The following CNKSR2 variants were observed in gnomAD, a reference collection of about 807,000 sequenced individuals.
CNKSR2 encodes CNK homolog protein 2.
A neutral mutation model predicts 84.4 loss-of-function variants in CNKSR2; 14 were observed. The ratio of observed to expected loss-of-function variants is 0.17; its 90% CI spans 0.11 to 0.26. The LOEUF (loss-of-function observed/expected upper bound fraction) is 0.26, where lower values mean the gene tolerates loss of function less well. Ranked by LOEUF, CNKSR2 falls within the 10% of genes least tolerant of loss-of-function variation. CNKSR2 has a pLI of 1.00. For synonymous variants in CNKSR2, 275 were observed against 277.9 expected (o/e 0.99, Z 0.10); for missense variants, 485 against 771.2 (o/e 0.63, Z 4.40).
chrX:21,574,249 C>T (rs763972518), intron 13 of CNKSR2, among the ~76,000 whole-genome samples: 3 of 111,909 alleles, frequency 2.7e-5, no homozygotes, highest in Non-Finnish European at 3.8e-5. Context: ...TGTCTTCTTC[C>T]GAGTCTTCTA....
intron 1 of CNKSR2, among the ~76,000 whole-genome samples, chrX:21,420,013 A>G (rs933348553): frequency 2.7e-5 from 3 of 112,442 alleles, no homozygotes; most frequent in Non-Finnish European, 5.6e-5. Flanking sequence ...GGGTGGGTCC[A>G]GAGGTGCTGT....
In CNKSR2 at chrX:21,516,721, A is replaced by G; in HGVS notation, c.957+90A>G. The G allele has an allele frequency of 4.9e-6, 4 of 822,982 alleles. No individual in the cohort carries two copies. The South Asian group carries it at 7.7e-5, about 16-fold the overall frequency. The allele number at this position is 822,982 out of a possible 1,213,427, so 67.8% of individuals were successfully genotyped here. ...CTTTATTGTGCCTCATCTCAGCAGC[A>G]TATGGATTAATCTTGTATGCTTTTG... On this transcript the variant is annotated intron_variant, in intron 9 of 21. Coordinates refer to ENST00000379510, the MANE Select transcript of CNKSR2 (RefSeq NM_014927.5).
Position 21,652,620 on chromosome X carries a change from C to T in CNKSR2, c.*99C>T. 1 of 608,959 alleles carries T rather than the reference C, an allele frequency of 1.6e-6. No homozygotes were observed. Among genetic ancestry groups the T allele is most frequent in the African/African-American group, 2.2e-5 (1 of 45,087 alleles). The allele number at this position is 608,959 out of a possible 1,213,427, so 50.2% of individuals were successfully genotyped here. The stretch of plus-strand genomic sequence containing the variant: ...TGTGTGGAACACTTGACAAGCTATA[C>T]TTTAATGTTACCAAACTATATGAAA... On this transcript the variant is annotated 3_prime_UTR_variant, in exon 22 of 22. Transcript: ENST00000379510.
chrX:21,379,472 C>CT (rs1387368169), intron 1 of CNKSR2, among the ~76,000 whole-genome samples: 1 of 111,520 alleles, frequency 9.0e-6, no homozygotes, highest in Non-Finnish European at 1.9e-5. Context: ...AACAGGAATT[C>CT]TTGTCATTTT....
At chrX:21,451,931 C>T (rs1185966895) in intron 4 of CNKSR2, among the ~76,000 whole-genome samples, 2 of 111,438 alleles carry the variant, frequency 1.8e-5, no homozygotes, top group East Asian at 2.8e-4. Context: ...ACCATTTAGG[C>T]CTTGTCTCAT....
intron 1 of CNKSR2, among the ~76,000 whole-genome samples, chrX:21,392,258 T>C (rs1442394861): frequency 8.9e-6 from 1 of 111,938 alleles, no homozygotes. Flanking sequence ...TCCACATTTT[T>C]AGGTATCTTT....
At chrX:21,625,885 A>G (rs989739033) in intron 20 of CNKSR2, among the ~76,000 whole-genome samples, 9 of 111,851 alleles carry the variant, frequency 8.0e-5, no homozygotes, top group Non-Finnish European at 1.5e-4. Context: ...TGTACCCGCA[A>G]ATACTGAGAT....
chrX:21,624,068 A>G (rs766167082), intron 20 of CNKSR2, among the ~76,000 whole-genome samples: 1 of 111,967 alleles, frequency 8.9e-6, no homozygotes, highest in African/African-American at 3.2e-5. Flanking sequence ...CCTATGCATT[A>G]CTGATATTTA....
At chrX:21,595,238 A>G in intron 16 of CNKSR2, 86 bp from the exon 17 acceptor site, 2 of 727,526 alleles carry the variant, frequency 2.7e-6, no homozygotes, top group Non-Finnish European at 4.3e-6. Context: ...CTCGGGTTAG[A>G]TGTTGAGGTA....
At chrX:21,620,726 G>A (rs2147301977) in intron 20 of CNKSR2, among the ~76,000 whole-genome samples, 1 of 111,272 alleles carries the variant, frequency 9.0e-6, no homozygotes, top group African/African-American at 3.3e-5. Flanking sequence ...GCATTTGAAA[G>A]CCTATCATGT....
At chrX:21,385,708 C>T (rs2089958847) in intron 1 of CNKSR2, among the ~76,000 whole-genome samples, 1 of 111,686 alleles carries the variant, frequency 9.0e-6, no homozygotes, top group Admixed American at 9.5e-5. Context: ...TTCCACCTTG[C>T]TTTTCTAGCA....
At position 21,526,968 on chromosome X, in the gene CNKSR2, T is replaced by C; in HGVS notation, c.1059T>C (p.Ile353=). The C allele has an allele frequency of 8.3e-7, 1 of 1,205,283 alleles. No homozygotes were observed. Among genetic ancestry groups the C allele is most frequent in the Non-Finnish European group, 1.1e-6 (1 of 891,001 alleles). The change falls in exon 10 of 22, where the codon ATT becomes ATC. Residue 353 remains isoleucine, a synonymous_variant. Coordinates refer to ENST00000379510, the MANE Select transcript of CNKSR2 (RefSeq NM_014927.5). ...GTTCTGCCCTCCAGGATCTCTACAT[T>C]CCCCCTCCTCCTGCAGAACCATATA... is the stretch of plus-strand genomic sequence containing the variant. The part of the protein sequence containing the change: ...RDSSALQDLY[I]PPPPAEPYIP...
chrX:21,560,732 C>G (rs183290345), intron 11 of CNKSR2, among the ~76,000 whole-genome samples: 1 of 111,328 alleles, frequency 9.0e-6, no homozygotes, highest in Non-Finnish European at 1.9e-5. Flanking sequence ...TAATATACTG[C>G]AGCCTCACCA....
At position 21,561,651 on chromosome X, in the gene CNKSR2, G is replaced by A. The variant is rs113864460; in HGVS notation, c.1393+91G>A. 119 of 641,059 alleles carry A rather than the reference G, an allele frequency of 1.9e-4. 4 individuals carry two copies. Among genetic ancestry groups the A allele is most frequent in the African/African-American group, 1.3e-3 (57 of 44,608 alleles). 52.8% of individuals were successfully genotyped at this position (641,059 alleles called of 1,213,427 possible). A position where few individuals can be genotyped will look rare whatever the true frequency, so the allele number is the denominator to read the frequency against. On this transcript the variant is annotated intron_variant, in intron 12 of 21. Coordinates refer to ENST00000379510, the MANE Select transcript of CNKSR2 (RefSeq NM_014927.5). ...TAAATAGATTGTTATGGCTTCAGTG[G>A]AAAACTTATTCTATCATTGACTTTA...
intron 9 of CNKSR2, among the ~76,000 whole-genome samples, chrX:21,520,657 A>G (rs1056077411): frequency 2.5e-4 from 27 of 109,270 alleles, no homozygotes; most frequent in Middle Eastern, 4.7e-3. Flanking sequence ...ATCACTGGGA[A>G]TCAATGACTT....
chrX:21,573,207 T>G (rs1013387610), intron 13 of CNKSR2, among the ~76,000 whole-genome samples: 1 of 112,503 alleles, frequency 8.9e-6, no homozygotes, highest in Non-Finnish European at 1.9e-5. Context: ...TCCCACAGCC[T>G]TGGGCAACTC....
intron 7 of CNKSR2, 52 bp downstream of exon 7, chrX:21,497,898 T>C (rs12387312): frequency 0.11 from 63,662 of 570,661 alleles, 2,890 homozygotes; most frequent in East Asian, 0.24. Context: ...CTTTTATTGC[T>C]AACAACTTAT....
chrX:21,434,760 A>G (rs1229956041), intron 3 of CNKSR2, among the ~76,000 whole-genome samples: 1 of 110,088 alleles, frequency 9.1e-6, no homozygotes. Flanking sequence ...TACAGTTTTT[A>G]TTTTATGTCA....
chrX:21,391,533 G>T (rs12010394), intron 1 of CNKSR2, among the ~76,000 whole-genome samples: 3,266 of 111,894 alleles, frequency 0.029, 119 homozygotes, highest in African/African-American at 0.1. Context: ...AGCTGGAGTG[G>T]CTGGGGACAC....
Sources: allele counts gnomAD v4.1 joint callset (sites outside exome capture counted in the v4.1 genomes callset), GRCh38; gene constraint gnomAD v4.1.1; transcripts MANE v1.5; gene names NCBI Gene and HGNC (gene_info 2026-07-23, HGNC 2026-07-21).